CFAP20DC: variants seen among roughly 807,000 people sequenced by gnomAD.
The protein encoded by CFAP20DC is protein CFAP20DC.
CFAP20DC carries 84 observed loss-of-function variants against 101.7 expected under a neutral mutation model. That is an observed-to-expected ratio of 0.83 (90% CI 0.69 to 0.99). CFAP20DC has a LOEUF of 0.99. Among genes scored for constraint, CFAP20DC ranks in the 50% least tolerant of loss-of-function variants. The pLI is 0.00. For synonymous variants in CFAP20DC, 359 were observed against 351.2 expected (o/e 1.02, Z -0.25); for missense variants, 1,007 against 970.3 (o/e 1.04, Z -0.50).
chr3:58,831,249 T>C (rs1399317541), intron 14 of CFAP20DC, among the ~76,000 whole-genome samples: 1 of 152,228 alleles, frequency 6.6e-6, no homozygotes, highest in Non-Finnish European at 1.5e-5. Context: ...TCTGGTGACT[T>C]CTACAGAAGG....
chr3:58,794,009 G>A (rs2073050600), intron 15 of CFAP20DC, among the ~76,000 whole-genome samples: 1 of 152,186 alleles, frequency 6.6e-6, no homozygotes, highest in South Asian at 2.1e-4. Context: ...AAAAATATGA[G>A]AGTATGTACA....
intron 4 of CFAP20DC, chr3:59,017,916 G>C (rs1425281256): frequency 6.6e-6 from 1 of 152,132 alleles, no homozygotes; most frequent in Admixed American, 6.6e-5. Flanking sequence ...CAGGACGGGT[G>C]CCAGCTACAA....
At chr3:59,021,740 G>A (rs1239666713) in intron 4 of CFAP20DC, among the ~76,000 whole-genome samples, 2 of 152,016 alleles carry the variant, frequency 1.3e-5, no homozygotes, top group African/African-American at 4.8e-5. Context: ...CTGGTATACA[G>A]AACGAAACTG....
In CFAP20DC at chr3:58,913,358, T is replaced by C. The variant is rs1250686562; in HGVS notation, c.550+350A>G. Reference sequence around the variant, plus strand: ...TCTCAGCTGACTCTCTAAATATCCTTGAGATTCTATGAACTGTCTGATTTC... The same window carrying C: ...TCTCAGCTGACTCTCTAAATATCCTCGAGATTCTATGAACTGTCTGATTTC... On this transcript the variant is annotated intron_variant, in intron 6 of 16. Coordinates refer to ENST00000482387, the MANE Select transcript of CFAP20DC (RefSeq NM_001394063.1). The surrounding 1 kb of genome is among the most constrained non-coding windows in gnomAD (Gnocchi z 4.4). Among the ~76,000 whole-genome samples, 1 of 152,072 alleles carries C rather than the reference T, an allele frequency of 6.6e-6. No individual in the cohort carries two copies. The highest frequency in any genetic ancestry group is 1.5e-5 in the Non-Finnish European group (1 of 68,006).
chr3:58,739,952 C>T (rs1443260476), downstream of CFAP20DC, among the ~76,000 whole-genome samples: 4 of 152,160 alleles, frequency 2.6e-5, no homozygotes, highest in Admixed American at 2.6e-4. Flanking sequence ...CTACTCAGAT[C>T]ACAGGGACTC....
At chr3:58,777,787 T>C (rs1581196) in intron 15 of CFAP20DC, among the ~76,000 whole-genome samples, 18,142 of 152,110 alleles carry the variant, frequency 0.12, 1,948 homozygotes, top group East Asian at 0.35. Flanking sequence ...CAGTAGAGCC[T>C]GTTGACCCTT....
At chr3:58,794,258 C>T in intron 15 of CFAP20DC, 1 of 440,324 alleles carries the variant, frequency 2.3e-6, no homozygotes, top group Non-Finnish European at 4.6e-6. Flanking sequence ...CACCAAACAT[C>T]CAACAGCATT....
At chr3:58,944,362 T>C (rs1160425706) in intron 4 of CFAP20DC, among the ~76,000 whole-genome samples, 5 of 152,216 alleles carry the variant, frequency 3.3e-5, no homozygotes, top group African/African-American at 1.2e-4. Context: ...TTAACACTTT[T>C]ATTCATTTTC....
intron 4 of CFAP20DC, among the ~76,000 whole-genome samples, chr3:59,011,540 C>A (rs2093584297): frequency 6.6e-6 from 1 of 151,938 alleles, no homozygotes. Flanking sequence ...AACCCAAACT[C>A]AGCGGAAGGA....
rs546411785 is a variant in CFAP20DC at position 58,899,703 on chromosome 3, C to T, written c.550+14005G>A. ...TGGGCAGGACTGCACAATCACTCAC[C>T]GCTTCCCTTGGCTGGGGTGGGGGGA... On this transcript the variant is annotated intron_variant, in intron 6 of 16. Coordinates refer to ENST00000482387, the MANE Select transcript of CFAP20DC (RefSeq NM_001394063.1). This position sits in a 1 kb window ranked among gnomAD's most constrained non-coding sequence, Gnocchi z 5.0. Among the ~76,000 whole-genome samples, 10 of 152,236 alleles carry T rather than the reference C, an allele frequency of 6.6e-5. No individual in the cohort carries two copies. Among genetic ancestry groups the T allele is most frequent in the Admixed American group, 2.6e-4 (4 of 15,304 alleles).
chr3:58,849,842 A>G (rs2108309989), intron 12 of CFAP20DC, among the ~76,000 whole-genome samples: 1 of 152,312 alleles, frequency 6.6e-6, no homozygotes, highest in East Asian at 1.9e-4. Context: ...AAGCAGAGAA[A>G]TGGTACTCTA....
intron 5 of CFAP20DC, among the ~76,000 whole-genome samples, chr3:58,932,702 C>A (rs542967163): frequency 2.6e-4 from 39 of 152,262 alleles, no homozygotes; most frequent in East Asian, 5.8e-4. Context: ...GAAATAAAAT[C>A]CTTTACAGAC....
chr3:58,975,198 T>C (rs904533510), intron 4 of CFAP20DC, among the ~76,000 whole-genome samples: 5 of 152,200 alleles, frequency 3.3e-5, no homozygotes, highest in African/African-American at 9.6e-5. Context: ...TTCATTCTTC[T>C]TCAGATCTTA....
At chr3:58,776,711 T>C (rs1398151701) in intron 15 of CFAP20DC, among the ~76,000 whole-genome samples, 1 of 151,290 alleles carries the variant, frequency 6.6e-6, no homozygotes, top group Non-Finnish European at 1.5e-5. Flanking sequence ...CTCTTGCTAA[T>C]CTGTTTTATG....
intron 7 of CFAP20DC, among the ~76,000 whole-genome samples, chr3:58,872,890 C>T (rs2080356724): frequency 6.6e-6 from 1 of 150,724 alleles, no homozygotes; most frequent in South Asian, 2.1e-4. Context: ...TGCTGTAAGG[C>T]AGCTGTTCAA....
intron 4 of CFAP20DC, among the ~76,000 whole-genome samples, chr3:59,003,096 C>T (rs1388107071): frequency 1.3e-5 from 2 of 152,082 alleles, no homozygotes; most frequent in South Asian, 2.1e-4. Flanking sequence ...AAATGCAGCA[C>T]AGAAGGGATG....
chr3:58,830,633 T>C (rs17059875), intron 14 of CFAP20DC, among the ~76,000 whole-genome samples: 15,859 of 152,232 alleles, frequency 0.1, 1,431 homozygotes, highest in East Asian at 0.35. Flanking sequence ...GCGTCAACTA[T>C]ACTTCAACTC....
rs1404566338 is a variant in CFAP20DC, at chr3:59,014,492, A to T, written c.278+25065T>A. On this transcript the variant is annotated intron_variant, in intron 4 of 16. Coordinates refer to ENST00000482387, the MANE Select transcript of CFAP20DC (RefSeq NM_001394063.1). The surrounding 1 kb of genome is among the most constrained non-coding windows in gnomAD (Gnocchi z 4.9). ...TCATAGGGATATCAAGCTCAGACTCACAAGTAAAAAGAGGGTAACAGTTGA... is the reference window on the plus strand; with the variant it reads ...TCATAGGGATATCAAGCTCAGACTCTCAAGTAAAAAGAGGGTAACAGTTGA... Among the ~76,000 whole-genome samples the T allele has an allele frequency of 6.6e-6, 1 of 152,160 alleles. No homozygotes were observed. The highest frequency in any genetic ancestry group is 1.5e-5 in the Non-Finnish European group (1 of 68,010).
intron 2 of CFAP20DC, among the ~76,000 whole-genome samples, chr3:59,046,859 T>C (rs1200298189): frequency 6.6e-6 from 1 of 152,086 alleles, no homozygotes; most frequent in Non-Finnish European, 1.5e-5. Context: ...AAGAGGTTGT[T>C]AAAGATGAAG....
Sources: allele counts gnomAD v4.1 joint callset (sites outside exome capture counted in the v4.1 genomes callset), GRCh38; gene constraint gnomAD v4.1.1; non-coding constraint Gnocchi (gnomAD v3.1); transcripts MANE v1.5; gene names NCBI Gene and HGNC (gene_info 2026-07-23, HGNC 2026-07-21).